The following MAP4K4 variants were observed in gnomAD, a reference collection of about 807,000 sequenced individuals.
The protein encoded by MAP4K4 is mitogen-activated protein kinase kinase kinase kinase 4, also known as HPK/GCK-like kinase HGK.
A neutral mutation model predicts 189.6 loss-of-function variants in MAP4K4; 38 were observed. That is an observed-to-expected ratio of 0.20 (90% CI 0.15 to 0.26). The LOEUF (loss-of-function observed/expected upper bound fraction) is 0.26, where lower values mean the gene tolerates loss of function less well. MAP4K4 is among the 10% of genes least tolerant of loss of function. The pLI is 1.00. For synonymous variants in MAP4K4, 610 were observed against 624.3 expected (o/e 0.98, Z 0.34); for missense variants, 1,054 against 1,726.9 (o/e 0.61, Z 6.91).
rs36217584 is a variant in MAP4K4, at chr2:101,851,724, CTTTTTTTTTTTTTT to C, written c.1234-4234_1234-4221del. ...TGGAAGAGAAGTTGGTAACTGTCCTCTTTTTTTTTTTTTTTTTTTTTTTTTTTTTTTTGCCTTAG... is the reference window on the plus strand; with the variant it reads ...TGGAAGAGAAGTTGGTAACTGTCCTCTTTTTTTTTTTTTTTTTTGCCTTAG... On this transcript the variant is annotated intron_variant, in intron 12 of 32. Transcript: ENST00000324219. Among the ~76,000 whole-genome samples, 141 of 67,922 alleles carry C rather than the reference CTTTTTTTTTTTTTT, an allele frequency of 2.1e-3. 1 individual carries two copies. Among genetic ancestry groups the C allele is most frequent in the South Asian group, 7.5e-3 (13 of 1,742 alleles). The allele number at this position is 67,922 out of a possible 152,430, so 44.6% of individuals were successfully genotyped here.
At chr2:101,793,711 C>G (rs1315700391) in intron 3 of MAP4K4, among the ~76,000 whole-genome samples, 1 of 151,902 alleles carries the variant, frequency 6.6e-6, no homozygotes, top group Non-Finnish European at 1.5e-5. Context: ...CTAGTTATTC[C>G]TCAGGCCCAG....
At chr2:101,761,310 T>G (rs1184136583) in intron 2 of MAP4K4, among the ~76,000 whole-genome samples, 1 of 152,198 alleles carries the variant, frequency 6.6e-6, no homozygotes, top group African/African-American at 2.4e-5. Context: ...GATGTATTTT[T>G]TCTTAAAAAA....
chr2:101,784,070 C>T (rs558977058), intron 2 of MAP4K4, among the ~76,000 whole-genome samples: 101 of 152,328 alleles, frequency 6.6e-4, no homozygotes, highest in Non-Finnish European at 1.3e-3. Flanking sequence ...TGATGATCTT[C>T]AGTGCCATCC....
At chr2:101,704,563 ATATATTTTTTTTT>A (rs1559013963) in intron 2 of MAP4K4, among the ~76,000 whole-genome samples, 16 of 47,214 alleles carry the variant, frequency 3.4e-4, no homozygotes, top group Non-Finnish European at 4.8e-4. Flanking sequence ...ATATATATAT[ATATATTTTTTTTT>A]TTTTTTTTTT....
chr2:101,893,280 T>C (rs1353873247), exon 33 of MAP4K4: 1 of 456,210 alleles, frequency 2.2e-6, no homozygotes, highest in East Asian at 6.9e-5. Flanking sequence ...AAGCTTACTT[T>C]TTGGGGAAGT....
intron 2 of MAP4K4, among the ~76,000 whole-genome samples, chr2:101,781,478 G>C (rs1306541327): frequency 1.3e-5 from 2 of 152,158 alleles, no homozygotes; most frequent in Admixed American, 1.3e-4. Context: ...CGAGGGGCTG[G>C]CATCTGATGT....
chr2:101,726,560 C>G (rs13412023), intron 2 of MAP4K4, among the ~76,000 whole-genome samples: 1 of 151,966 alleles, frequency 6.6e-6, no homozygotes. Flanking sequence ...GTAAGTGGCC[C>G]TCAGTTTACT....
intron 26 of MAP4K4, 56 bp downstream of exon 26, chr2:101,874,308 T>A (rs1577201115): frequency 1.3e-6 from 2 of 1,492,930 alleles, no homozygotes; most frequent in African/African-American, 1.4e-5. Flanking sequence ...TGGTGGCTGG[T>A]CTTCTAGAGA....
At chr2:101,746,051 T>A (rs2065398762) in intron 2 of MAP4K4, among the ~76,000 whole-genome samples, 1 of 151,894 alleles carries the variant, frequency 6.6e-6, no homozygotes, top group Admixed American at 6.6e-5. Flanking sequence ...AATACAGTGA[T>A]GTGATCATAA....
chr2:101,813,953 T>C (rs1290708968), intron 3 of MAP4K4, among the ~76,000 whole-genome samples: 1 of 152,202 alleles, frequency 6.6e-6, no homozygotes, highest in African/African-American at 2.4e-5. Context: ...CATTAGATGG[T>C]TTGATATCTT....
rs952253136 is a variant in MAP4K4 at position 101,885,134 on chromosome 2, C to CTA, written c.3521-51_3521-50dup. ...AAGACAACTAAAACAGTTTAGAGGG[C>CTA]TATGTTGATACTGACCTGTGCTTCT... On this transcript the variant is annotated intron_variant, in intron 28 of 32. Coordinates refer to ENST00000324219, the Ensembl canonical transcript of MAP4K4. 23 of 904,406 alleles carry CTA rather than the reference C, an allele frequency of 2.5e-5. No individual in the cohort carries two copies. In the African/African-American group the frequency reaches 3.3e-4, roughly 13 times the overall value. 56.0% of individuals were successfully genotyped at this position (904,406 alleles called of 1,614,324 possible).
chr2:101,776,839 A>G (rs1427041022), intron 2 of MAP4K4, among the ~76,000 whole-genome samples: 4 of 152,150 alleles, frequency 2.6e-5, no homozygotes, highest in East Asian at 1.9e-4. Flanking sequence ...CCACAATTGA[A>G]TTTCGCAATC....
At chr2:101,760,556 G>GTGTGTGTGTATA (rs2075908955) in intron 2 of MAP4K4, among the ~76,000 whole-genome samples, 1 of 147,020 alleles carries the variant, frequency 6.8e-6, no homozygotes. Context: ...GTGTGTGTGT[G>GTGTGTGTGTATA]TGTATATGTA....
rs149286775 is a variant in MAP4K4 at position 101,806,920 on chromosome 2, G to A, written c.180+16144G>A. Among the ~76,000 whole-genome samples, 529 of 152,330 alleles carry A rather than the reference G, an allele frequency of 3.5e-3. 7 individuals are homozygous for A. Among genetic ancestry groups the A allele is most frequent in the South Asian group, 8.3e-4 (4 of 4,828 alleles). On this transcript the variant is annotated intron_variant, in intron 3 of 32. Transcript: ENST00000324219. ...AGAAGAGATTAAAATTTGGAACTAC[G>A]GTTAAAGCAGCACATCTCCCTGGGC...
chr2:101,830,957 TC>T lies in MAP4K4; in HGVS notation c.509-761del, dbSNP rs376187110. Among the ~76,000 whole-genome samples, 71 of 152,320 alleles carry T rather than the reference TC, an allele frequency of 4.7e-4. No individual in the cohort carries two copies. The South Asian group carries it at 7.9e-3, about 17-fold the overall frequency. On this transcript the variant is annotated intron_variant, in intron 6 of 32. Coordinates refer to ENST00000324219, the Ensembl canonical transcript of MAP4K4. ...GCGTGTTCTGTGCATGAATCTATGA[TC>T]CCTTTAAGTCATCTCAGCATTTCGT...
intron 2 of MAP4K4, among the ~76,000 whole-genome samples, chr2:101,759,958 C>G (rs1040481067): frequency 6.6e-6 from 1 of 151,636 alleles, no homozygotes; most frequent in Admixed American, 6.6e-5. Flanking sequence ...ATTCTCCTAC[C>G]TCGGCCTCCT....
chr2:101,864,113 T>C, intron 17 of MAP4K4, 62 bp downstream of exon 17: 4 of 994,194 alleles, frequency 4.0e-6, no homozygotes, highest in Non-Finnish European at 4.0e-6. Context: ...TTTTTAAAGA[T>C]TATTTATTTT....
Position 101,730,248 on chromosome 2 carries a change from G to A in MAP4K4, c.123+31710G>A, listed in dbSNP as rs368806043. Among the ~76,000 whole-genome samples the A allele has an allele frequency of 1.3e-3, 195 of 152,264 alleles. 1 individual carries two copies. Among genetic ancestry groups the A allele is most frequent in the African/African-American group, 4.4e-3 (182 of 41,534 alleles). Reference sequence around the variant, plus strand: ...GGAATAGTTGGTAGATGGTCTTTGGGATTATATTCATGATTTAAAACTCCT... The same window carrying A: ...GGAATAGTTGGTAGATGGTCTTTGGAATTATATTCATGATTTAAAACTCCT... On this transcript the variant is annotated intron_variant, in intron 2 of 32. Coordinates refer to ENST00000324219, the Ensembl canonical transcript of MAP4K4.
intron 9 of MAP4K4, 138 bp from the exon 10 acceptor site, chr2:101,839,681 T>C (rs898624543): frequency 6.0e-6 from 4 of 661,316 alleles, no homozygotes; most frequent in Non-Finnish European, 1.0e-5. Context: ...TTATGTTTCA[T>C]ACATTATTCC....
Sources: allele counts gnomAD v4.1 joint callset (sites outside exome capture counted in the v4.1 genomes callset), GRCh38; gene constraint gnomAD v4.1.1; transcripts MANE v1.5; gene names NCBI Gene and HGNC (gene_info 2026-07-23, HGNC 2026-07-21).